ANKRD22: variants seen among roughly 807,000 people sequenced by gnomAD.
ANKRD22 encodes ankyrin repeat domain 22.
ANKRD22 carries 24 observed loss-of-function variants against 25.7 expected under a neutral mutation model. The ratio of observed to expected loss-of-function variants is 0.93; its 90% CI spans 0.68 to 1.31. The LOEUF (loss-of-function observed/expected upper bound fraction) is 1.31. ANKRD22 is among the 50% of genes most tolerant of loss of function. ANKRD22 has a pLI of 0.00. For synonymous variants in ANKRD22, 84 were observed against 84.3 expected, an observed-to-expected ratio of 1.00 and a Z score of 0.02; for missense variants, 214 against 227.1, an observed-to-expected ratio of 0.94 and a Z score of 0.37.
At chr10:88,831,597 G>C (rs554377977) in intron 2 of ANKRD22, among the ~76,000 whole-genome samples, 4 of 152,308 alleles carry the variant, frequency 2.6e-5, no homozygotes, top group African/African-American at 7.2e-5. Flanking sequence ...AAGTGAACCA[G>C]AGGTAAAAAG....
intron 2 of ANKRD22, among the ~76,000 whole-genome samples, chr10:88,831,330 G>A (rs983373140): frequency 1.1e-4 from 16 of 152,170 alleles, no homozygotes; most frequent in Non-Finnish European, 1.5e-5. Flanking sequence ...GTGACTTCAA[G>A]TAACCTCTGG....
At chr10:88,849,562 G>C (rs1168192100) in intron 1 of ANKRD22, among the ~76,000 whole-genome samples, 2 of 152,106 alleles carry the variant, frequency 1.3e-5, no homozygotes, top group East Asian at 3.8e-4. Flanking sequence ...CTATGAGCCA[G>C]TGACTACCTT....
intron 1 of ANKRD22, among the ~76,000 whole-genome samples, chr10:88,845,218 G>T (rs966325107): frequency 2.6e-5 from 4 of 152,064 alleles, no homozygotes; most frequent in African/African-American, 9.7e-5. Flanking sequence ...GACTAAATGC[G>T]TATGTTTCTT....
intron 1 of ANKRD22, among the ~76,000 whole-genome samples, chr10:88,843,125 A>C (rs1420351578): frequency 6.6e-6 from 1 of 152,046 alleles, no homozygotes; most frequent in Non-Finnish European, 1.5e-5. Context: ...ATCTTCATTT[A>C]CTTTTCTCAA....
chr10:88,843,687 G>A (rs1331731682), intron 1 of ANKRD22, among the ~76,000 whole-genome samples: 1 of 152,146 alleles, frequency 6.6e-6, no homozygotes, highest in East Asian at 1.9e-4. Context: ...AAGTTGAGTT[G>A]TGGCAAATTA....
At chr10:88,851,479 G>A (rs1338057946) in intron 1 of ANKRD22, 108 bp downstream of exon 1, 1 of 1,252,650 alleles carries the variant, frequency 8.0e-7, no homozygotes, top group Non-Finnish European at 1.2e-6. Flanking sequence ...CCCCCAGGGA[G>A]TTGAACAGAC....
At chr10:88,832,104 C>T in intron 1 of ANKRD22, 78 bp from the exon 2 acceptor site, 1 of 1,376,880 alleles carries the variant, frequency 7.3e-7, no homozygotes, top group South Asian at 1.4e-5. Context: ...AGTCATAACC[C>T]AATACATTAA....
rs199792091 is a variant in ANKRD22 at position 88,828,549 on chromosome 10, T to G, written c.321+10A>C. On this transcript the variant is annotated intron_variant, in intron 3 of 5. Coordinates refer to ENST00000371930, the MANE Select transcript of ANKRD22 (RefSeq NM_144590.3). ...ACATTTGCCCTTTGCTCTACAAGTG[T>G]TGTACTCACCATGAGGAAATACCCA... is the stretch of plus-strand genomic sequence containing the variant. The G allele has an allele frequency of 1.4e-3, 2,139 of 1,571,858 alleles. 2 individuals are homozygous for G. The highest frequency in any genetic ancestry group is 1.7e-3 in the Non-Finnish European group (1,963 of 1,143,508).
intron 1 of ANKRD22, among the ~76,000 whole-genome samples, chr10:88,845,415 T>C (rs139292385): frequency 1.3e-5 from 2 of 152,248 alleles, no homozygotes; most frequent in African/African-American, 2.4e-5. Context: ...CCTAAATTAT[T>C]ATCTCTTGCC....
At chr10:88,825,706 C>A (rs1441099274) in intron 4 of ANKRD22, among the ~76,000 whole-genome samples, 2 of 152,192 alleles carry the variant, frequency 1.3e-5, no homozygotes, top group African/African-American at 2.4e-5. Context: ...GTGGCAAGCC[C>A]AGAGTTTACT....
rs981091698 is a variant in ANKRD22 at position 88,821,501 on chromosome 10, A to G, written c.*1440T>C. On this transcript the variant is annotated 3_prime_UTR_variant, in exon 6 of 6. Coordinates refer to ENST00000371930, the MANE Select transcript of ANKRD22 (RefSeq NM_144590.3). ...GTCAAAAGTATATTGTTGAAGGTAT[A>G]CTGGTGTGTGAAATTCACTTGTGTG... Among the ~76,000 whole-genome samples, 5 of 152,216 alleles carry G rather than the reference A, an allele frequency of 3.3e-5. No individual in the cohort carries two copies. Among genetic ancestry groups the G allele is most frequent in the South Asian group, 2.1e-4 (1 of 4,838 alleles).
At chr10:88,834,798 C>A (rs1312489507) in intron 1 of ANKRD22, among the ~76,000 whole-genome samples, 2 of 152,110 alleles carry the variant, frequency 1.3e-5, no homozygotes, top group Non-Finnish European at 2.9e-5. Context: ...AAAAAATTAG[C>A]AGGGCATGGT....
intron 1 of ANKRD22, among the ~76,000 whole-genome samples, chr10:88,849,483 T>C (rs1043523590): frequency 2.0e-4 from 30 of 152,126 alleles, no homozygotes; most frequent in African/African-American, 7.2e-4. Flanking sequence ...AGAATCTCTT[T>C]GAATGAGTAA....
chr10:88,828,547 T>C lies in ANKRD22; in HGVS notation c.321+12A>G. ...CCACATTTGCCCTTTGCTCTACAAGTGTTGTACTCACCATGAGGAAATACC... is the reference window on the plus strand; with the variant it reads ...CCACATTTGCCCTTTGCTCTACAAGCGTTGTACTCACCATGAGGAAATACC... On this transcript the variant is annotated intron_variant, in intron 3 of 5. Transcript: ENST00000371930. 1 of 1,563,822 alleles carries C rather than the reference T, an allele frequency of 6.4e-7. No homozygotes were observed. The highest frequency in any genetic ancestry group is 8.8e-7 in the Non-Finnish European group (1 of 1,136,258).
intron 4 of ANKRD22, among the ~76,000 whole-genome samples, chr10:88,825,282 A>G (rs17113361): frequency 6.6e-6 from 1 of 152,254 alleles, no homozygotes; most frequent in African/African-American, 2.4e-5. Context: ...CAATCACCAT[A>G]AGCAAAACAC....
At chr10:88,829,186 G>T (rs1843883184) in intron 2 of ANKRD22, among the ~76,000 whole-genome samples, 1 of 152,180 alleles carries the variant, frequency 6.6e-6, no homozygotes, top group African/African-American at 2.4e-5. Context: ...ATAGATGTCA[G>T]CTTCCAAGGG....
At chr10:88,831,803 A>G (rs1843905730) in intron 2 of ANKRD22, 32 bp downstream of exon 2, 2 of 1,550,822 alleles carry the variant, frequency 1.3e-6, no homozygotes, top group African/African-American at 2.8e-5. Flanking sequence ...TATCATGAAC[A>G]ATTACACTCT....
intron 4 of ANKRD22, 95 bp downstream of exon 4, chr10:88,825,943 T>C: frequency 9.6e-7 from 1 of 1,046,562 alleles, no homozygotes; most frequent in Non-Finnish European, 1.4e-6. Flanking sequence ...TGTAAAATTG[T>C]CTAGGAAAAT....
chr10:88,841,186 G>C (rs1292034524), intron 1 of ANKRD22, among the ~76,000 whole-genome samples: 1 of 152,096 alleles, frequency 6.6e-6, no homozygotes, highest in Non-Finnish European at 1.5e-5. Flanking sequence ...GGGGAAAGCA[G>C]AAGATCCTTC....
Sources: gnomAD v4.1 joint callset for allele counts (sites outside exome capture counted in the v4.1 genomes callset) on GRCh38, gnomAD v4.1.1 for gene constraint, MANE v1.5 for transcripts, NCBI Gene and HGNC (gene_info 2026-07-23, HGNC 2026-07-21) for gene names.